The following CSMD3 variants were observed in gnomAD, a reference collection of about 807,000 sequenced individuals.
CSMD3 encodes CUB and Sushi multiple domains 3.
A neutral mutation model predicts 435.2 loss-of-function variants in CSMD3; 177 were observed. That is an observed-to-expected ratio of 0.41 (90% confidence interval 0.36 to 0.46). The LOEUF is 0.46. Among genes scored for constraint, CSMD3 ranks in the 20% least tolerant of loss-of-function variants. CSMD3 has a pLI of 0.34. For synonymous variants in CSMD3, 1,656 were observed against 1,520.5 expected (o/e 1.09, Z -2.07); for missense variants, 4,265 against 4,504.6 (o/e 0.95, Z 1.52).
At chr8:112,640,974 A>G (rs1402281673) in intron 20 of CSMD3, among the ~76,000 whole-genome samples, 1 of 152,170 alleles carries the variant, frequency 6.6e-6, no homozygotes, top group Non-Finnish European at 1.5e-5. Flanking sequence ...TTAGAATTTC[A>G]TTAATTAATT....
chr8:113,108,627 T>G (rs532756560), intron 4 of CSMD3, among the ~76,000 whole-genome samples: 1 of 152,162 alleles, frequency 6.6e-6, no homozygotes, highest in African/African-American at 2.4e-5. Context: ...ATACCAAACT[T>G]AATGAGTGAA....
intron 12 of CSMD3, among the ~76,000 whole-genome samples, chr8:112,810,371 A>T (rs530617998): frequency 2.8e-4 from 17 of 60,036 alleles, no homozygotes; most frequent in Non-Finnish European, 4.9e-4. Flanking sequence ...AATGAAAAAC[A>T]TCTAATTAAC....
Position 112,406,730 on chromosome 8 carries a change from G to GAAA in CSMD3, c.5606-4_5606-3insTTT. The GAAA allele has an allele frequency of 6.4e-7, 1 of 1,556,872 alleles. No homozygotes were observed. The highest frequency in any genetic ancestry group is 8.8e-7 in the Non-Finnish European group (1 of 1,137,274). ...TGTAGAACTTGTTCTAGGAACAGCT[G>GAAA]TGTAGAAATATTATATTTATTTTAA... On this transcript the variant is annotated splice_polypyrimidine_tract_variant and splice_region_variant and intron_variant, in intron 34 of 70. Transcript: ENST00000297405.
At position 112,802,551 on chromosome 8, in the gene CSMD3, C is replaced by T. The variant is rs150140858; in HGVS notation, c.1860-2277G>A. On this transcript the variant is annotated intron_variant, in intron 12 of 70. Coordinates refer to ENST00000297405, the MANE Select transcript of CSMD3 (RefSeq NM_198123.2). ...TCTCCTTAGCAGATTTCCTATGATG[C>T]ACATCACAGTTTGGTTTAATCCTAT... Among the ~76,000 whole-genome samples the T allele has an allele frequency of 1.8e-4, 27 of 152,094 alleles. No homozygotes were observed. In the East Asian group the frequency reaches 4.6e-3, roughly 26 times the overall value.
chr8:113,400,187 T>A (rs955536734), intron 1 of CSMD3, among the ~76,000 whole-genome samples: 1 of 151,998 alleles, frequency 6.6e-6, no homozygotes, highest in African/African-American at 2.4e-5. Context: ...TCACAAAAAA[T>A]GAAATTTCCC....
At chr8:112,603,719 A>C in intron 22 of CSMD3, among the ~76,000 whole-genome samples, 1 of 152,086 alleles carries the variant, frequency 6.6e-6, no homozygotes, top group East Asian at 1.9e-4. Context: ...CTCTTTTTTT[A>C]TGTTACATGG....
At chr8:113,116,208 G>C (rs1564333159) in intron 4 of CSMD3, among the ~76,000 whole-genome samples, 1 of 152,170 alleles carries the variant, frequency 6.6e-6, no homozygotes, top group Non-Finnish European at 1.5e-5. Context: ...TTGAATTGTA[G>C]TTCCCATAAT....
intron 11 of CSMD3, among the ~76,000 whole-genome samples, chr8:112,844,245 A>G (rs1475336459): frequency 3.3e-5 from 5 of 151,930 alleles, no homozygotes; most frequent in Admixed American, 6.6e-5. Context: ...TTTTCCTAAT[A>G]TCTTTTCTCT....
chr8:112,499,556 C>T (rs1005209875), intron 30 of CSMD3, among the ~76,000 whole-genome samples: 4 of 151,954 alleles, frequency 2.6e-5, no homozygotes, highest in Non-Finnish European at 5.9e-5. Context: ...AAAACAAATC[C>T]TATGACAAGC....
chr8:113,352,273 GAA>G (rs150919347), intron 1 of CSMD3, among the ~76,000 whole-genome samples: 8,539 of 152,054 alleles, frequency 0.056, 334 homozygotes, highest in Non-Finnish European at 0.089. Context: ...GTAAGAAACG[GAA>G]AAAGAGAAGA....
At chr8:112,397,544 T>C (rs1830957185) in intron 35 of CSMD3, among the ~76,000 whole-genome samples, 1 of 152,112 alleles carries the variant, frequency 6.6e-6, no homozygotes, top group Non-Finnish European at 1.5e-5. Context: ...TTTCTCACAG[T>C]TCTGGAAGCT....
intron 1 of CSMD3, among the ~76,000 whole-genome samples, chr8:113,414,696 C>A (rs2094574465): frequency 6.7e-6 from 1 of 148,424 alleles, no homozygotes; most frequent in Non-Finnish European, 1.5e-5. Context: ...CACAGTGGCT[C>A]ATGCCTGTAA....
At chr8:113,306,721 A>C (rs2093824428) in intron 2 of CSMD3, among the ~76,000 whole-genome samples, 1 of 152,156 alleles carries the variant, frequency 6.6e-6, no homozygotes, top group South Asian at 2.1e-4. Flanking sequence ...AAAAACATTT[A>C]TGGGGATGCT....
intron 11 of CSMD3, among the ~76,000 whole-genome samples, chr8:112,840,750 C>T (rs2080156680): frequency 6.6e-6 from 1 of 151,598 alleles, no homozygotes; most frequent in Non-Finnish European, 1.5e-5. Context: ...AGCTATACTA[C>T]TGTTTCCTAT....
Position 112,707,714 on chromosome 8 carries a change from T to A in CSMD3, c.1973-17664A>T, listed in dbSNP as rs557409977. On this transcript the variant is annotated intron_variant, in intron 13 of 70. Transcript: ENST00000297405. ...CTGGGGCTGTGTGTCCAGGAAAAAT[T>A]TATTCTCAAAAGAGAATCCTGAATC... Among the ~76,000 whole-genome samples the A allele has an allele frequency of 2.0e-5, 3 of 152,206 alleles. No individual in the cohort carries two copies. The South Asian group carries it at 6.2e-4, about 32-fold the overall frequency.
intron 1 of CSMD3, chr8:113,377,021 G>C: frequency 4.6e-6 from 6 of 1,318,556 alleles, no homozygotes; most frequent in Non-Finnish European, 6.0e-6. Flanking sequence ...TAGGGAGTGG[G>C]GTGGGGTGGG....
At chr8:112,627,801 A>T (rs995495622) in intron 22 of CSMD3, among the ~76,000 whole-genome samples, 4 of 152,176 alleles carry the variant, frequency 2.6e-5, no homozygotes, top group African/African-American at 7.2e-5. Flanking sequence ...TGATGATCAC[A>T]TGGTGAATTA....
At chr8:113,227,147 A>C (rs951064450) in intron 3 of CSMD3, among the ~76,000 whole-genome samples, 88 of 151,644 alleles carry the variant, frequency 5.8e-4, no homozygotes, top group African/African-American at 2.0e-3. Context: ...TCATTTATCA[A>C]AAAATGGAAA....
At chr8:112,591,762 G>A (rs1333163685) in intron 22 of CSMD3, among the ~76,000 whole-genome samples, 1 of 151,906 alleles carries the variant, frequency 6.6e-6, no homozygotes, top group East Asian at 1.9e-4. Context: ...ACATGATTTT[G>A]CTCATAGAGG....
Sources: gnomAD v4.1 joint callset for allele counts (sites outside exome capture counted in the v4.1 genomes callset) on GRCh38, gnomAD v4.1.1 for gene constraint, MANE v1.5 for transcripts, NCBI Gene and HGNC (gene_info 2026-07-23, HGNC 2026-07-21) for gene names.